The following NRG3 variants were observed in gnomAD, a reference collection of about 807,000 sequenced individuals.
NRG3 encodes the protein pro-neuregulin-3, membrane-bound isoform.
In NRG3, 31 loss-of-function variants were observed where a neutral mutation model predicts 66.9. The observed-to-expected ratio is 0.46, with a 90% CI of 0.35 to 0.63. NRG3 has a LOEUF of 0.63. Among genes scored for constraint, NRG3 ranks in the 20% least tolerant of loss-of-function variants. The pLI is 0.00. For synonymous variants in NRG3, 393 were observed against 359.4 expected (o/e 1.09, Z -1.06); for missense variants, 910 against 878.9 (o/e 1.04, Z -0.45).
intron 1 of NRG3, among the ~76,000 whole-genome samples, chr10:82,180,162 A>C (rs1248044875): frequency 6.6e-6 from 1 of 151,430 alleles, no homozygotes; most frequent in Admixed American, 6.6e-5. Flanking sequence ...AATCCTTAGG[A>C]GTTTCTTCAT....
At chr10:81,939,742 TC>T (rs1848241810) in intron 1 of NRG3, among the ~76,000 whole-genome samples, 1 of 151,712 alleles carries the variant, frequency 6.6e-6, no homozygotes, top group East Asian at 1.9e-4. Context: ...GTTGATTTTT[TC>T]CTATTGTGTT....
intron 2 of NRG3, among the ~76,000 whole-genome samples, chr10:82,504,704 G>A (rs973472973): frequency 6.6e-6 from 1 of 152,132 alleles, no homozygotes; most frequent in African/African-American, 2.4e-5. Context: ...CAAAGTAAGC[G>A]CCATCACGTT....
chr10:82,130,522 T>TA (rs1380433758), intron 1 of NRG3, among the ~76,000 whole-genome samples: 1 of 152,108 alleles, frequency 6.6e-6, no homozygotes, highest in African/African-American at 2.4e-5. Flanking sequence ...ATCTCTTTGA[T>TA]ATACTGATTT....
rs138715422 is a variant in NRG3 at position 82,186,246 on chromosome 10, C to T, written c.824-172493C>T. Among the ~76,000 whole-genome samples the T allele has an allele frequency of 6.1e-3, 929 of 152,272 alleles. 10 individuals carry two copies. Among genetic ancestry groups the T allele is most frequent in the Middle Eastern group, 0.01 (3 of 294 alleles). On this transcript the variant is annotated intron_variant, in intron 1 of 8. Transcript: ENST00000372141. ...TTTTCCACACATCTCCACATACCAA[C>T]TTAAATCTTCACCAGTAAAGAGGAA...
intron 2 of NRG3, among the ~76,000 whole-genome samples, chr10:82,413,343 AT>A (rs2088266467): frequency 6.6e-6 from 1 of 152,164 alleles, no homozygotes; most frequent in South Asian, 2.1e-4. Context: ...GAACAGTAAT[AT>A]TTTAAAAAGA....
chr10:82,330,654 T>C (rs1262816703), intron 1 of NRG3, among the ~76,000 whole-genome samples: 1 of 152,246 alleles, frequency 6.6e-6, no homozygotes, highest in Non-Finnish European at 1.5e-5. Flanking sequence ...AGAAATATTT[T>C]TAAACCTTTG....
At chr10:81,935,808 T>C (rs1398551113) in intron 1 of NRG3, among the ~76,000 whole-genome samples, 2 of 151,856 alleles carry the variant, frequency 1.3e-5, no homozygotes, top group Admixed American at 1.3e-4. Context: ...TGTTCCTCCT[T>C]GGAGTCACTT....
chr10:82,373,438 G>T (rs1361140459), intron 2 of NRG3, among the ~76,000 whole-genome samples: 1 of 152,166 alleles, frequency 6.6e-6, no homozygotes, highest in East Asian at 1.9e-4. Flanking sequence ...TGTGCTTAGA[G>T]CCTGGCCTCC....
At chr10:82,388,525 T>C (rs1448431824) in intron 2 of NRG3, among the ~76,000 whole-genome samples, 1 of 152,194 alleles carries the variant, frequency 6.6e-6, no homozygotes, top group Admixed American at 6.5e-5. Context: ...TAAGATCATG[T>C]AATATGGTAA....
chr10:82,250,453 G>T (rs1476097142), intron 1 of NRG3, among the ~76,000 whole-genome samples: 2 of 151,980 alleles, frequency 1.3e-5, no homozygotes, highest in East Asian at 3.9e-4. Context: ...GGGCATGGTG[G>T]CAGGCACCTG....
At position 82,427,073 on chromosome 10, in the gene NRG3, G is replaced by A. The variant is rs375800385; in HGVS notation, c.953+68205G>A. Reference sequence around the variant, plus strand: ...CTGAACTTTTAAATTCGTTCCAGTAGGGTATGTGTGGGTGTGCATTTGTGT... The same window carrying A: ...CTGAACTTTTAAATTCGTTCCAGTAAGGTATGTGTGGGTGTGCATTTGTGT... On this transcript the variant is annotated intron_variant, in intron 2 of 8. Transcript: ENST00000372141. 5.3e-4 allele frequency among the ~76,000 whole-genome samples: 81 copies of A among 151,984 alleles called. 1 individual carries two copies. The South Asian group carries it at 0.013, about 24-fold the overall frequency.
At chr10:82,272,003 AT>A (rs1194473031) in intron 1 of NRG3, among the ~76,000 whole-genome samples, 1 of 152,134 alleles carries the variant, frequency 6.6e-6, no homozygotes, top group Non-Finnish European at 1.5e-5. Flanking sequence ...TAAACCTACT[AT>A]TCTACTGGAG....
intron 3 of NRG3, among the ~76,000 whole-genome samples, chr10:82,864,188 G>A (rs1314438920): frequency 6.6e-6 from 1 of 152,060 alleles, no homozygotes; most frequent in Non-Finnish European, 1.5e-5. Flanking sequence ...GTTGTACAAC[G>A]TTGTGAATGT....
intron 1 of NRG3, among the ~76,000 whole-genome samples, chr10:82,017,210 T>G (rs1023164152): frequency 2.6e-5 from 4 of 152,202 alleles, no homozygotes; most frequent in Non-Finnish European, 4.4e-5. Context: ...TTGGGATAGT[T>G]TGCTGAGAAT....
At chr10:81,980,136 T>C (rs1468779646) in intron 1 of NRG3, among the ~76,000 whole-genome samples, 1 of 152,232 alleles carries the variant, frequency 6.6e-6, no homozygotes, top group Non-Finnish European at 1.5e-5. Context: ...TTTGTTTCCT[T>C]CCCAAATCTT....
chr10:82,515,266 C>G (rs950292599), intron 2 of NRG3, among the ~76,000 whole-genome samples: 2 of 152,116 alleles, frequency 1.3e-5, no homozygotes, highest in African/African-American at 4.8e-5. Flanking sequence ...GCAACAACAA[C>G]ACGCACAAAA....
intron 2 of NRG3, among the ~76,000 whole-genome samples, chr10:82,385,084 A>G (rs1246360709): frequency 6.6e-6 from 1 of 151,976 alleles, no homozygotes; most frequent in Non-Finnish European, 1.5e-5. Context: ...TGAGCTTTTT[A>G]TTTATGTTTG....
intron 1 of NRG3, among the ~76,000 whole-genome samples, chr10:82,281,696 G>C (rs562285517): frequency 2.6e-5 from 4 of 152,134 alleles, no homozygotes; most frequent in Non-Finnish European, 5.9e-5. Context: ...AGCCAGAGGT[G>C]CTTTCCCTGA....
chr10:82,383,395 A>G (rs1409524834), intron 2 of NRG3, among the ~76,000 whole-genome samples: 1 of 150,180 alleles, frequency 6.7e-6, no homozygotes, highest in Non-Finnish European at 1.5e-5. Context: ...AAATTTATTT[A>G]CTTATTTAAA....
Sources: gnomAD v4.1 joint callset for allele counts (sites outside exome capture counted in the v4.1 genomes callset) on GRCh38, gnomAD v4.1.1 for gene constraint, MANE v1.5 for transcripts, NCBI Gene and HGNC (gene_info 2026-07-23, HGNC 2026-07-21) for gene names.